Variants in TAF1 observed in about 807,000 individuals in gnomAD.
TAF1 encodes the protein transcription initiation factor TFIID subunit 1.
In TAF1, 2 loss-of-function variants were observed where a neutral mutation model predicts 138.5. The observed-to-expected ratio is 0.01, with a 90% CI of 0.01 to 0.05. The LOEUF is 0.05. Among genes scored for constraint, TAF1 ranks in the 10% least tolerant of loss-of-function variants. TAF1 has a pLI of 1.00. For missense variants in TAF1, 709 were observed against 1,478.0 expected, an observed-to-expected ratio of 0.48 and a Z score of 8.53; for synonymous variants, 437 against 503.2, an observed-to-expected ratio of 0.87 and a Z score of 1.76.
At chrX:71,500,044 G>A (rs945211740) in intron 13 of TAF1, among the ~76,000 whole-genome samples, 12 of 110,716 alleles carry the variant, frequency 1.1e-4, no homozygotes, top group South Asian at 3.9e-4. Flanking sequence ...CCGATAGCCC[G>A]GGGGTTTTTG....
chrX:71,403,466 T>C (rs2035288722), intron 25 of TAF1, among the ~76,000 whole-genome samples: 1 of 112,357 alleles, frequency 8.9e-6, no homozygotes, highest in South Asian at 3.7e-4. Context: ...TTTAATGTCA[T>C]ATTTAGGTGA....
intron 28 of TAF1, among the ~76,000 whole-genome samples, chrX:71,411,571 G>T (rs1034167839): frequency 8.9e-6 from 1 of 112,409 alleles, no homozygotes; most frequent in South Asian, 3.6e-4. Flanking sequence ...TCCATATACT[G>T]TTCTCCACTT....
At chrX:71,512,232 G>A (rs957554697) in intron 13 of TAF1, among the ~76,000 whole-genome samples, 11 of 109,720 alleles carry the variant, frequency 1.0e-4, no homozygotes, top group South Asian at 4.0e-4. Flanking sequence ...AGAGAATGGC[G>A]TGCACCTGGG....
At chrX:71,529,911 G>C in exon 15 of TAF1, 1 of 238,834 alleles carries the variant, frequency 4.2e-6, no homozygotes, top group South Asian at 4.7e-5. Context: ...GACTGTTGGT[G>C]CTGAGAGAAA....
At chrX:71,398,867 G>A in intron 24 of TAF1, 130 bp downstream of exon 24, 1 of 944,709 alleles carries the variant, frequency 1.1e-6, no homozygotes, top group East Asian at 3.4e-5. Flanking sequence ...TTGAATTGAT[G>A]TGACTACTTG....
intron 13 of TAF1, chrX:71,484,796 A>T (rs2039141901): frequency 8.9e-6 from 1 of 112,056 alleles, no homozygotes; most frequent in Non-Finnish European, 1.9e-5. Flanking sequence ...AGTAAAGGTG[A>T]TGGAGCTATT....
At chrX:71,453,276 A>T (rs2038126520) in intron 32 of TAF1, among the ~76,000 whole-genome samples, 1 of 111,309 alleles carries the variant, frequency 9.0e-6, no homozygotes, top group Non-Finnish European at 1.9e-5. Context: ...ATCTTGCACC[A>T]GGCTGGGCGT....
In TAF1 at chrX:71,483,154, T is replaced by C. The variant is rs780300998; in HGVS notation, c.1366+22351T>C. ...CTGGCTTTTTTTTTTTTCTTTTCTTTTTTTTTTTTTTTTTGTAGAGATGGG... is the reference window on the plus strand; with the variant it reads ...CTGGCTTTTTTTTTTTTCTTTTCTTCTTTTTTTTTTTTTTGTAGAGATGGG... On this transcript the variant is annotated intron_variant and NMD_transcript_variant, in intron 13 of 14. Transcript: ENST00000373775. Among the ~76,000 whole-genome samples, 15 of 95,379 alleles carry C rather than the reference T, an allele frequency of 1.6e-4. No homozygotes were observed. In the South Asian group the frequency reaches 7.9e-3, roughly 50 times the overall value. 82.8% of individuals were successfully genotyped at this position (95,379 alleles called of 115,157 possible).
chrX:71,475,598 AAAG>A (rs1481156175), intron 13 of TAF1, among the ~76,000 whole-genome samples: 3 of 108,902 alleles, frequency 2.8e-5, no homozygotes, highest in Non-Finnish European at 3.8e-5. Flanking sequence ...AAAAAAAAAA[AAAG>A]AAAAAGAAAA....
At chrX:71,409,941 G>A (rs1434039829) in intron 28 of TAF1, among the ~76,000 whole-genome samples, 1 of 108,366 alleles carries the variant, frequency 9.2e-6, no homozygotes, top group Non-Finnish European at 1.9e-5. Flanking sequence ...CGCCCAGGCT[G>A]GAGTGCAGTG....
intron 8 of TAF1, among the ~76,000 whole-genome samples, chrX:71,379,810 C>CA (rs2033758421): frequency 9.1e-6 from 1 of 109,915 alleles, no homozygotes. Flanking sequence ...CCATGTTGGT[C>CA]AGGCTGGTCT....
Position 71,465,470 on chromosome X carries a change from AGAGT to A in TAF1, c.*1426_*1429del, listed in dbSNP as rs1306167810. 1 of 111,862 alleles carries A rather than the reference AGAGT, an allele frequency of 8.9e-6. No homozygotes were observed. The highest frequency in any genetic ancestry group is 1.9e-5 in the Non-Finnish European group (1 of 53,184). The allele number at this position is 111,862 out of a possible 1,213,427, so 9.2% of individuals were successfully genotyped here. ...GGAAAGGCCACAGTCTAGAAATGGC[AGAGT>A]GTGTTCCTAGTTTGTTTGTTTGTTT... On this transcript the variant is annotated 3_prime_UTR_variant, in exon 38 of 38. Transcript: ENST00000423759.
At position 71,375,264 on chromosome X, in the gene TAF1, G is replaced by A. The variant is rs199960146; in HGVS notation, c.450G>A (p.Lys150=). ...PPPPGPMKKD[K]DQDSITGVSE... ...CCCCGGGACCAATGAAGAAGGATAA[G>A]GACCAGGATTCTATTACTGGTGGTA... Residue 150 remains lysine (K), a synonymous_variant, in exon 4 of 38, where the codon AAG becomes AAA. Coordinates refer to ENST00000423759, the MANE Select transcript of TAF1 (RefSeq NM_004606.5). 1 of 1,205,258 alleles carries A rather than the reference G, an allele frequency of 8.3e-7. No individual in the cohort carries two copies. The highest frequency in any genetic ancestry group is 2.2e-5 in the Admixed American group (1 of 44,636).
At chrX:71,395,809 T>C (rs1205791402) in intron 22 of TAF1, among the ~76,000 whole-genome samples, 1 of 111,408 alleles carries the variant, frequency 9.0e-6, no homozygotes, top group Non-Finnish European at 1.9e-5. Flanking sequence ...ATCTGTATCA[T>C]TTGGGAATTA....
At chrX:71,496,160 C>T (rs2039391110) in intron 13 of TAF1, among the ~76,000 whole-genome samples, 1 of 112,175 alleles carries the variant, frequency 8.9e-6, no homozygotes. Context: ...GTCTTTTTCC[C>T]TTAAACACCC....
chrX:71,448,677 A>T (rs1414111491), intron 32 of TAF1, among the ~76,000 whole-genome samples: 1 of 112,316 alleles, frequency 8.9e-6, no homozygotes, highest in Non-Finnish European at 1.9e-5. Flanking sequence ...ACTATTGAGA[A>T]CATGGACTGT....
chrX:71,496,495 C>A (rs1361147486), intron 13 of TAF1, among the ~76,000 whole-genome samples: 1 of 111,696 alleles, frequency 9.0e-6, no homozygotes, highest in Non-Finnish European at 1.9e-5. Flanking sequence ...CTTTCTTTCT[C>A]TTTGACTTTC....
intron 30 of TAF1, 166 bp downstream of exon 30, chrX:71,423,405 C>CT (rs199646423): frequency 5.2e-3 from 2,208 of 422,541 alleles, no homozygotes; most frequent in Non-Finnish European, 5.9e-3. Flanking sequence ...GGTACATTAT[C>CT]TTTTTTTTTT....
In TAF1 at chrX:71,408,069, C is replaced by T. The variant is rs781666863; in HGVS notation, c.4302C>T (p.Asn1434=). The change falls in exon 28 of 38, where the codon AAC becomes AAT. Residue 1434 remains asparagine, a synonymous_variant. Coordinates refer to ENST00000423759, the MANE Select transcript of TAF1 (RefSeq NM_004606.5). ...RPMDLQTLRE[N]VRKRLYPSRE... ...TGGACCTACAAACACTCCGCGAAAACGTGCGTAAACGCCTCTACCCATCTC... is the reference window on the plus strand; with the variant it reads ...TGGACCTACAAACACTCCGCGAAAATGTGCGTAAACGCCTCTACCCATCTC... 78 of 1,209,811 alleles carry T rather than the reference C, an allele frequency of 6.4e-5. 2 individuals are homozygous for T. The Admixed American group carries it at 1.3e-3, about 21-fold the overall frequency.
Sources: allele counts gnomAD v4.1 joint callset (sites outside exome capture counted in the v4.1 genomes callset), GRCh38; gene constraint gnomAD v4.1.1; transcripts MANE v1.5; gene names NCBI Gene and HGNC (gene_info 2026-07-23, HGNC 2026-07-21).